The following NELL1 variants were observed in gnomAD, a reference collection of about 807,000 sequenced individuals.
The protein encoded by NELL1 is protein kinase C-binding protein NELL1.
NELL1 carries 76 observed loss-of-function variants against 107.4 expected under a neutral mutation model. The observed-to-expected ratio is 0.71, with a 90% confidence interval of 0.59 to 0.86. The LOEUF (loss-of-function observed/expected upper bound fraction) is 0.86, where lower values mean the gene tolerates loss of function less well. NELL1 is among the 40% of genes least tolerant of loss of function. NELL1 has a pLI of 0.00. For missense variants in NELL1, 1,024 were observed against 1,005.5 expected, an observed-to-expected ratio of 1.02 and a Z score of -0.25; for synonymous variants, 353 against 341.2, an observed-to-expected ratio of 1.03 and a Z score of -0.38.
intron 14 of NELL1, among the ~76,000 whole-genome samples, chr11:21,329,286 T>TC: frequency 6.6e-6 from 1 of 151,682 alleles, no homozygotes; most frequent in East Asian, 1.9e-4. Flanking sequence ...AAGGGGCTTT[T>TC]CCCCCTTTTG....
intron 4 of NELL1, among the ~76,000 whole-genome samples, chr11:20,859,805 G>A (rs1232990853): frequency 5.4e-4 from 32 of 59,798 alleles, no homozygotes; most frequent in African/African-American, 1.1e-3. Flanking sequence ...AGAGAGCACA[G>A]GAGGTAGGCG....
At chr11:21,457,153 A>C (rs944311976) in intron 15 of NELL1, among the ~76,000 whole-genome samples, 1 of 152,194 alleles carries the variant, frequency 6.6e-6, no homozygotes, top group African/African-American at 2.4e-5. Context: ...GGCCAGTTCT[A>C]CCTGAGCAAG....
intron 2 of NELL1, among the ~76,000 whole-genome samples, chr11:20,750,860 T>C (rs2133944839): frequency 6.6e-6 from 1 of 152,272 alleles, no homozygotes; most frequent in South Asian, 2.1e-4. Context: ...AGTGTTGGGA[T>C]TACAGGCGTG....
chr11:21,108,162 C>T (rs1855015432), intron 12 of NELL1, among the ~76,000 whole-genome samples: 3 of 152,104 alleles, frequency 2.0e-5, no homozygotes, highest in Admixed American at 1.3e-4. Context: ...TATATCCCTC[C>T]CTGGGTTCTT....
At chr11:21,203,430 C>CTTT (rs35689054) in intron 13 of NELL1, among the ~76,000 whole-genome samples, 7 of 101,272 alleles carry the variant, frequency 6.9e-5, no homozygotes, top group African/African-American at 2.7e-4. Flanking sequence ...GCAACCCTTG[C>CTTT]TTTTTTTTTT....
At chr11:21,418,809 GA>G (rs1852584000) in intron 15 of NELL1, among the ~76,000 whole-genome samples, 2 of 152,220 alleles carry the variant, frequency 1.3e-5, no homozygotes, top group African/African-American at 4.8e-5. Context: ...GTGCCTTGAA[GA>G]TAGCGTGTCC....
intron 4 of NELL1, among the ~76,000 whole-genome samples, chr11:20,867,109 C>T (rs1393461742): frequency 6.6e-6 from 1 of 152,010 alleles, no homozygotes; most frequent in African/African-American, 2.4e-5. Context: ...ATACTCAGGG[C>T]CCCAAAAGAA....
chr11:20,699,469 C>A (rs776858790), intron 2 of NELL1, among the ~76,000 whole-genome samples: 23 of 151,956 alleles, frequency 1.5e-4, no homozygotes, highest in Non-Finnish European at 3.2e-4. Flanking sequence ...CAAACGACTC[C>A]TCTGCCTTAG....
intron 15 of NELL1, among the ~76,000 whole-genome samples, chr11:21,448,665 A>G (rs1853505878): frequency 6.6e-6 from 1 of 152,210 alleles, no homozygotes; most frequent in Admixed American, 6.5e-5. Context: ...CACAATCACG[A>G]TGATGAAAAT....
At chr11:21,424,102 G>A (rs760587335) in intron 15 of NELL1, among the ~76,000 whole-genome samples, 1 of 151,964 alleles carries the variant, frequency 6.6e-6, no homozygotes, top group Non-Finnish European at 1.5e-5. Flanking sequence ...CTAGCAAAAG[G>A]ATGAAAATAA....
At chr11:21,122,387 A>T (rs1195395392) in intron 13 of NELL1, among the ~76,000 whole-genome samples, 2 of 152,218 alleles carry the variant, frequency 1.3e-5, no homozygotes, top group African/African-American at 4.8e-5. Flanking sequence ...TCATACAATG[A>T]ATGGACATTT....
Position 21,239,762 on chromosome 11 carries a change from T to C in NELL1, c.1549+10308T>C, listed in dbSNP as rs563818029. On this transcript the variant is annotated intron_variant, in intron 14 of 19. Transcript: ENST00000357134. The stretch of plus-strand genomic sequence containing the variant: ...CACAGTCCCACATCTATCTTTGTTC[T>C]CTTGAATCAAGTGAACCAAGATAGA... Among the ~76,000 whole-genome samples the C allele has an allele frequency of 7.2e-5, 11 of 152,148 alleles. No individual in the cohort carries two copies. The East Asian group carries it at 1.9e-3, about 27-fold the overall frequency.
At chr11:20,981,951 TC>T (rs1243908485) in intron 12 of NELL1, among the ~76,000 whole-genome samples, 12 of 141,934 alleles carry the variant, frequency 8.5e-5, no homozygotes, top group African/African-American at 3.0e-4. Context: ...CAGGGCTCTC[TC>T]TCTTTCTCTC....
chr11:20,755,558 T>A lies in NELL1; in HGVS notation c.185-28122T>A, dbSNP rs1486492332. 5.5e-4 allele frequency among the ~76,000 whole-genome samples: 9 copies of A among 16,432 alleles called. 1 individual carries two copies. Among genetic ancestry groups the A allele is most frequent in the South Asian group, 7.0e-3 (2 of 286 alleles). The allele number at this position is 16,432 out of a possible 152,430, so 10.8% of individuals were successfully genotyped here. A position where few individuals can be genotyped will look rare whatever the true frequency, so the allele number is the denominator to read the frequency against. On this transcript the variant is annotated intron_variant, in intron 2 of 19. Transcript: ENST00000357134. ...GGTTTTTGTTTTTTTTTGTTTTTGT[T>A]TTTGTTTTTTTTTTTTTGAGACAGA...
At chr11:20,929,143 C>G (rs1417114619) in intron 9 of NELL1, among the ~76,000 whole-genome samples, 2 of 152,162 alleles carry the variant, frequency 1.3e-5, no homozygotes, top group African/African-American at 4.8e-5. Context: ...AGAGGTGAGA[C>G]AGAAAACTAG....
chr11:21,400,019 T>C (rs1460045653), intron 15 of NELL1, among the ~76,000 whole-genome samples: 1 of 151,844 alleles, frequency 6.6e-6, no homozygotes, highest in Non-Finnish European at 1.5e-5. Context: ...TAAAAGATTA[T>C]TTCTGTATAC....
At chr11:21,411,064 C>T (rs1399517094) in intron 15 of NELL1, among the ~76,000 whole-genome samples, 1 of 151,972 alleles carries the variant, frequency 6.6e-6, no homozygotes, top group Non-Finnish European at 1.5e-5. Context: ...TACTGGTAAC[C>T]ACACAATTTT....
chr11:21,536,121 T>C (rs142784147), intron 16 of NELL1, among the ~76,000 whole-genome samples: 23 of 152,252 alleles, frequency 1.5e-4, no homozygotes, highest in Non-Finnish European at 1.5e-4. Flanking sequence ...TTTTCTACTT[T>C]TAAGTTCAAG....
In NELL1 at chr11:20,969,624, AT is replaced by A. The variant is rs565244687; in HGVS notation, c.1300+9071del. On this transcript the variant is annotated intron_variant, in intron 12 of 19. Coordinates refer to ENST00000357134, the MANE Select transcript of NELL1 (RefSeq NM_006157.5). Reference sequence around the variant, plus strand: ...GTTTTCTAACATTTTTCTTCCCTCCATTTTTTTCCCCTGACAACTCTCAGGG... The same window carrying A: ...GTTTTCTAACATTTTTCTTCCCTCCATTTTTTCCCCTGACAACTCTCAGGG... Among the ~76,000 whole-genome samples, 6 of 151,414 alleles carry A rather than the reference AT, an allele frequency of 4.0e-5. No homozygotes were observed. The South Asian group carries it at 1.3e-3, about 32-fold the overall frequency.
Sources: gnomAD v4.1 joint callset for allele counts (sites outside exome capture counted in the v4.1 genomes callset) on GRCh38, gnomAD v4.1.1 for gene constraint, MANE v1.5 for transcripts, NCBI Gene and HGNC (gene_info 2026-07-23, HGNC 2026-07-21) for gene names.